The following FOXN3 variants were observed in gnomAD, a reference collection of about 807,000 sequenced individuals.
The protein encoded by FOXN3 is forkhead box N3, also known as forkhead box protein N3.
In FOXN3, 7 loss-of-function variants were observed where a neutral mutation model predicts 38.4. The observed-to-expected ratio is 0.18, with a 90% CI of 0.10 to 0.34. The LOEUF is 0.34. FOXN3 is among the 10% of genes least tolerant of loss of function. The pLI, the probability that FOXN3 is intolerant of heterozygous loss-of-function variation, is 1.00. For synonymous variants in FOXN3, 230 were observed against 242.2 expected, an observed-to-expected ratio of 0.95 and a Z score of 0.47; for missense variants, 456 against 613.4, an observed-to-expected ratio of 0.74 and a Z score of 2.71.
rs534244014 is a variant in FOXN3 at position 89,546,746 on chromosome 14, TGCATACACATAC to T, written c.-15+72270_-15+72281del. Among the ~76,000 whole-genome samples, 1,437 of 152,276 alleles carry T rather than the reference TGCATACACATAC, an allele frequency of 9.4e-3. 13 individuals are homozygous for T. Among genetic ancestry groups the T allele is most frequent in the Middle Eastern group, 0.02 (6 of 294 alleles). ...ACATACACATTTTTATATACACATA[TGCATACACATAC>T]GCATACACATACACACATATACATA... On this transcript the variant is annotated intron_variant, in intron 1 of 6. Transcript: ENST00000345097.
intron 4 of FOXN3, among the ~76,000 whole-genome samples, chr14:89,255,864 C>T (rs1254143836): frequency 6.6e-6 from 1 of 152,160 alleles, no homozygotes; most frequent in Non-Finnish European, 1.5e-5. Flanking sequence ...AGCAGGAGTG[C>T]CACTCTGCAC....
chr14:89,360,664 G>T (rs1369012226), intron 2 of FOXN3, among the ~76,000 whole-genome samples: 1 of 151,296 alleles, frequency 6.6e-6, no homozygotes, highest in African/African-American at 2.4e-5. Flanking sequence ...ACAGCCGCAG[G>T]TTCCCCCATG....
At chr14:89,244,309 A>G (rs1885226216) in intron 4 of FOXN3, among the ~76,000 whole-genome samples, 1 of 152,216 alleles carries the variant, frequency 6.6e-6, no homozygotes, top group South Asian at 2.1e-4. Context: ...ATAATGCAGG[A>G]ACCTTCAAAT....
intron 1 of FOXN3, among the ~76,000 whole-genome samples, chr14:89,451,131 A>C (rs1489061961): frequency 1.3e-5 from 2 of 151,964 alleles, no homozygotes; most frequent in African/African-American, 4.9e-5. Flanking sequence ...CTAATCGGCA[A>C]GGGACAGGAA....
intron 1 of FOXN3, among the ~76,000 whole-genome samples, chr14:89,561,661 T>G (rs1209405554): frequency 6.6e-6 from 1 of 152,200 alleles, no homozygotes; most frequent in Non-Finnish European, 1.5e-5. Context: ...GGCTTTACCT[T>G]TAGGTTGGTG....
rs1596259575 is a variant in FOXN3 at position 89,412,207 on chromosome 14, C to T, written c.270G>A (p.Leu90=). The T allele has an allele frequency of 6.2e-7, 1 of 1,613,952 alleles. No homozygotes were observed. Among genetic ancestry groups the T allele is most frequent in the Non-Finnish European group, 8.5e-7 (1 of 1,179,944 alleles). ...VLRSVSPVQD[L]DDDTPPSPAH... ...CAGGGGATGGGGGGGTGTCATCGTCCAGGTCCTGGACGGGGCTGACACTCC... is the reference window on the plus strand; with the variant it reads ...CAGGGGATGGGGGGGTGTCATCGTCTAGGTCCTGGACGGGGCTGACACTCC... Residue 90 remains leucine (L), a synonymous_variant, in exon 2 of 6, where the codon CTG becomes CTA. Coordinates refer to ENST00000557258, the MANE Select transcript of FOXN3 (RefSeq NM_005197.4). This position sits in a 1 kb window ranked among gnomAD's most constrained non-coding sequence, Gnocchi z 4.7.
At chr14:89,601,777 T>TC (rs1896159067) in intron 1 of FOXN3, among the ~76,000 whole-genome samples, 2 of 152,102 alleles carry the variant, frequency 1.3e-5, no homozygotes, top group African/African-American at 4.8e-5. Flanking sequence ...TTCCTGCTTC[T>TC]CCCTTGTTTG....
chr14:89,479,249 T>C (rs1893275586), intron 1 of FOXN3, among the ~76,000 whole-genome samples: 1 of 152,160 alleles, frequency 6.6e-6, no homozygotes, highest in Non-Finnish European at 1.5e-5. Context: ...GCCAGTCCTC[T>C]TTCCTGGAAG....
At chr14:89,245,172 C>T (rs749544897) in intron 4 of FOXN3, among the ~76,000 whole-genome samples, 1 of 152,010 alleles carries the variant, frequency 6.6e-6, no homozygotes, top group Non-Finnish European at 1.5e-5. Context: ...AATGCTAAAA[C>T]GTGAATAAAA....
intron 2 of FOXN3, among the ~76,000 whole-genome samples, chr14:89,379,109 T>G (rs563188973): frequency 2.0e-4 from 31 of 152,228 alleles, no homozygotes; most frequent in Non-Finnish European, 4.3e-4. Flanking sequence ...CCTGGCTGGC[T>G]TTCTTCACTT....
Position 89,160,733 on chromosome 14 carries a change from C to T in FOXN3, c.*1681G>A, listed in dbSNP as rs980167670. On this transcript the variant is annotated 3_prime_UTR_variant, in exon 6 of 6. Transcript: ENST00000557258. ...GAGGGGGTCGGGGCTGAAGTGCACA[C>T]AAGGCAGTACAGAGTTCAACCATCC... 6.6e-6 allele frequency: 1 copy of T among 152,534 alleles called. No homozygotes were observed. The highest frequency in any genetic ancestry group is 1.5e-5 in the Non-Finnish European group (1 of 68,066). The allele number at this position is 152,534 out of a possible 1,614,324, so 9.4% of individuals were successfully genotyped here.
At chr14:89,203,275 G>A (rs1230078671) in intron 4 of FOXN3, among the ~76,000 whole-genome samples, 1 of 152,156 alleles carries the variant, frequency 6.6e-6, no homozygotes. Context: ...TTCTCACCTT[G>A]ACTCTTTATG....
Position 89,164,531 on chromosome 14 carries a change from T to C in FOXN3, c.852-1562A>G, listed in dbSNP as rs1887190097. Reference sequence around the variant, plus strand: ...CATCATTATGAACTGTGTGGTCATGTGTCCCATTAGAGAGCTAGCTCCATG... The same window carrying C: ...CATCATTATGAACTGTGTGGTCATGCGTCCCATTAGAGAGCTAGCTCCATG... On this transcript the variant is annotated intron_variant, in intron 5 of 5. Transcript: ENST00000557258. This position sits in a 1 kb window ranked among gnomAD's most constrained non-coding sequence, Gnocchi z 4.3. 6.6e-6 allele frequency among the ~76,000 whole-genome samples: 1 copy of C among 152,204 alleles called. No homozygotes were observed. The highest frequency in any genetic ancestry group is 1.5e-5 in the Non-Finnish European group (1 of 68,036).
chr14:89,185,575 ACAT>A lies in FOXN3; in HGVS notation c.746-4772_746-4770del, dbSNP rs199742507. On this transcript the variant is annotated intron_variant, in intron 4 of 5. Transcript: ENST00000557258. ...GTGCACTGGCCTCCAGCTATGTAAG[ACAT>A]CAAAAGGGCTGGACGTTGAAAGTCA... The A allele has an allele frequency of 1.2e-4, 19 of 152,400 alleles. 1 individual carries two copies. The East Asian group carries it at 3.7e-3, about 29-fold the overall frequency. 9.4% of individuals were successfully genotyped at this position (152,400 alleles called of 1,614,324 possible). A position where few individuals can be genotyped will look rare whatever the true frequency, so the allele number is the denominator to read the frequency against.
Position 89,467,804 on chromosome 14 carries a change from GT to G in FOXN3, c.-14-55315del, listed in dbSNP as rs68132432. The stretch of plus-strand genomic sequence containing the variant: ...CTTCTTCCTTTTCTTTTCTTTCTTT[GT>G]TTTTTTTTTTTTTTTTTTTTTTTGG... On this transcript the variant is annotated intron_variant, in intron 1 of 6. Transcript: ENST00000345097. 7.3e-3 allele frequency among the ~76,000 whole-genome samples: 413 copies of G among 56,590 alleles called. 1 individual carries two copies. The highest frequency in any genetic ancestry group is 0.022 in the African/African-American group (333 of 14,834). The allele number at this position is 56,590 out of a possible 152,430, so 37.1% of individuals were successfully genotyped here. A position where few individuals can be genotyped will look rare whatever the true frequency, so the allele number is the denominator to read the frequency against.
chr14:89,313,371 C>T lies in FOXN3; in HGVS notation c.681-32357G>A, dbSNP rs1878858271. Among the ~76,000 whole-genome samples, 5 of 152,226 alleles carry T rather than the reference C, an allele frequency of 3.3e-5. No individual in the cohort carries two copies. In the Middle Eastern group the frequency reaches 0.01, roughly 311 times the overall value. On this transcript the variant is annotated intron_variant, in intron 3 of 5. Coordinates refer to ENST00000557258, the MANE Select transcript of FOXN3 (RefSeq NM_005197.4). ...GTTAGGAGTTCAAGACCAGCCTGGCCAACATGGTGAAACCCCTTCTCTCCT... is the reference window on the plus strand; with the variant it reads ...GTTAGGAGTTCAAGACCAGCCTGGCTAACATGGTGAAACCCCTTCTCTCCT...
rs190335993 is a variant in FOXN3 at position 89,546,624 on chromosome 14, C to T, written c.-15+72404G>A. On this transcript the variant is annotated intron_variant, in intron 1 of 6. Coordinates refer to the FOXN3 transcript ENST00000345097. Reference sequence around the variant, plus strand: ...GATTACAGGTGTGAGCCACTGCACCCGGCCCCAATAGCTTCTTTTCTTAAA... The same window carrying T: ...GATTACAGGTGTGAGCCACTGCACCTGGCCCCAATAGCTTCTTTTCTTAAA... Among the ~76,000 whole-genome samples, 788 of 151,176 alleles carry T rather than the reference C, an allele frequency of 5.2e-3. 2 individuals carry two copies. Among genetic ancestry groups the T allele is most frequent in the African/African-American group, 0.018 (741 of 41,220 alleles).
intron 4 of FOXN3, among the ~76,000 whole-genome samples, chr14:89,249,699 C>G (rs566719500): frequency 6.6e-6 from 1 of 152,248 alleles, no homozygotes; most frequent in African/African-American, 2.4e-5. Flanking sequence ...GAAAGAAACA[C>G]AAATCCAACG....
At chr14:89,290,608 G>A (rs1886840000) in intron 3 of FOXN3, 3 of 534,546 alleles carry the variant, frequency 5.6e-6, no homozygotes, top group Non-Finnish European at 1.1e-5. Context: ...CTGTCTTCTT[G>A]GTACTCTGCT....
Sources: gnomAD v4.1 joint callset for allele counts (sites outside exome capture counted in the v4.1 genomes callset) on GRCh38, gnomAD v4.1.1 for gene constraint, Gnocchi (gnomAD v3.1) non-coding constraint, MANE v1.5 for transcripts, NCBI Gene and HGNC (gene_info 2026-07-23, HGNC 2026-07-21) for gene names.